EML2: variants seen among roughly 807,000 people sequenced by gnomAD.
EML2 encodes the protein echinoderm microtubule-associated protein-like 2.
EML2 carries 59 observed loss-of-function variants against 84.7 expected under a neutral mutation model. The observed-to-expected ratio is 0.70, with a 90% CI of 0.56 to 0.86. The LOEUF is 0.86. Ranked by LOEUF, EML2 falls within the 40% of genes least tolerant of loss-of-function variation. EML2 has a pLI of 0.00. For missense variants in EML2, 818 were observed against 855.6 expected, an observed-to-expected ratio of 0.96 and a Z score of 0.55; for synonymous variants, 352 against 348.9, an observed-to-expected ratio of 1.01 and a Z score of -0.10.
intron 11 of EML2, 35 bp from the exon 12 acceptor site, chr19:45,619,226 C>T (rs1280799535): frequency 4.4e-6 from 7 of 1,584,880 alleles, no homozygotes; most frequent in Non-Finnish European, 6.0e-6. Flanking sequence ...ATGGAGACAG[C>T]AGCCCTGGCC....
At chr19:45,633,160 G>A (rs375264921) in intron 4 of EML2, 21 bp from the exon 5 acceptor site, 2 of 1,604,594 alleles carry the variant, frequency 1.2e-6, no homozygotes, top group East Asian at 2.2e-5. Context: ...AAGGGACAGA[G>A]AGACCAGGGC....
intron 16 of EML2, chr19:45,614,967 C>T (rs971271480): frequency 4.1e-5 from 15 of 364,188 alleles, no homozygotes; most frequent in Non-Finnish European, 6.3e-5. Context: ...TGAGCCACAG[C>T]ATCTGGCTGG....
At chr19:45,621,395 C>A in intron 10 of EML2, 63 bp from the exon 11 acceptor site, 1 of 1,573,192 alleles carries the variant, frequency 6.4e-7, no homozygotes, top group Admixed American at 1.7e-5. Context: ...GGGTGACATA[C>A]TGTGGGGAGG....
rs775719033 is a variant in EML2, at chr19:45,638,534, C to T, written c.150G>A (p.Leu50=). 6.2e-7 allele frequency: 1 copy of T among 1,614,054 alleles called. No individual in the cohort carries two copies. Among genetic ancestry groups the T allele is most frequent in the Non-Finnish European group, 8.5e-7 (1 of 1,180,022 alleles). Residue 50 remains leucine (L), a synonymous_variant, in exon 3 of 19, where the codon CTG becomes CTA. Transcript: ENST00000245925. ...ACTCCAGCTTGAGCCGGCAAGAAGGCAGCTCCGAGCGTGTGTCCAGGCTGT... is the reference window on the plus strand; with the variant it reads ...ACTCCAGCTTGAGCCGGCAAGAAGGTAGCTCCGAGCGTGTGTCCAGGCTGT... ...PTYSLDTRSE[L]PSCRLKLEWV... is the part of the protein sequence containing the mutation.
upstream of EML2, chr19:45,644,733 C>T (rs1174943767): frequency 4.4e-6 from 2 of 456,086 alleles, no homozygotes; most frequent in East Asian, 6.9e-5. Context: ...CACAGTGGTC[C>T]TTCTGGTATC....
At chr19:45,636,969 A>G (rs1973798999) in intron 3 of EML2, among the ~76,000 whole-genome samples, 2 of 152,260 alleles carry the variant, frequency 1.3e-5, no homozygotes, top group Admixed American at 1.3e-4. Context: ...CAATATACAT[A>G]TATCCTGACC....
In EML2 at chr19:45,615,519, AAATAATAAT is replaced by A. The variant is rs56322389; in HGVS notation, c.1597+274_1597+282del. On this transcript the variant is annotated intron_variant, in intron 16 of 18. Transcript: ENST00000245925. ...GGGGACAGAGCAAGACTCCGTCTCAAAATAATAATAATAATAATAATAATAATAATAATA... is the reference window on the plus strand; with the variant it reads ...GGGGACAGAGCAAGACTCCGTCTCAAAATAATAATAATAATAATAATAATA... Among the ~76,000 whole-genome samples, 240 of 139,184 alleles carry A rather than the reference AAATAATAAT, an allele frequency of 1.7e-3. 2 individuals carry two copies. Among genetic ancestry groups the A allele is most frequent in the African/African-American group, 3.1e-3 (117 of 37,266 alleles). 91.3% of individuals were successfully genotyped at this position (139,184 alleles called of 152,430 possible).
In EML2 at chr19:45,621,259, CGGG is replaced by C; in HGVS notation, c.1067_1069del (p.Thr356_Arg357delinsSer). The stretch of plus-strand genomic sequence containing the variant: ...CACGGAGCCCTGCAGGATGGAATTG[CGGG>C]TGGTCCCCACGTACAGTGTGTCTCC... On this transcript the variant is annotated inframe_deletion, in exon 11 of 19. Transcript: ENST00000245925. The C allele has an allele frequency of 1.9e-6, 3 of 1,613,900 alleles. No homozygotes were observed. The highest frequency in any genetic ancestry group is 2.5e-6 in the Non-Finnish European group (3 of 1,179,982).
At position 45,616,537 on chromosome 19, in the gene EML2, C is replaced by T; in HGVS notation, c.1433G>A (p.Gly478Asp). ...CACGTACACCAAGTTGTCGTGGGAG[C>T]CCACGGCCAGGTACGCCCCGTCTGG... The part of the protein sequence containing the change: ...FSPDGAYLAV[G>D]SHDNLVYVYT... The change falls in exon 15 of 19, where the codon GGC becomes GAC. Residue 478 changes from glycine (G) to aspartate (D), a missense_variant. Physicochemically the swap from Gly to Asp is moderately conservative, Grantham distance 94. Coordinates refer to ENST00000245925, the MANE Select transcript of EML2 (RefSeq NM_012155.4). The T allele has an allele frequency of 6.2e-7, 1 of 1,610,916 alleles. No individual in the cohort carries two copies. Among genetic ancestry groups the T allele is most frequent in the East Asian group, 2.2e-5 (1 of 44,772 alleles).
In EML2 at chr19:45,624,702, G is replaced by T; in HGVS notation, c.841+17C>A. 6.3e-7 allele frequency: 1 copy of T among 1,599,562 alleles called. No individual in the cohort carries two copies. Among genetic ancestry groups the T allele is most frequent in the Non-Finnish European group, 8.6e-7 (1 of 1,167,738 alleles). ...AGAAGACTGGATTGGGAACCAAACA[G>T]ATGGGGTGACACTGACCTTTGCCCC... On this transcript the variant is annotated intron_variant, in intron 9 of 18. Transcript: ENST00000245925.
chr19:45,632,771 C>CCCTCA, intron 6 of EML2, 90 bp downstream of exon 6: 1 of 1,133,744 alleles, frequency 8.8e-7, no homozygotes. Context: ...GGATTCCCGG[C>CCCTCA]CCTCAACCCA....
At chr19:45,620,714 GAAA>G (rs766591894) in intron 11 of EML2, 31 of 107,300 alleles carry the variant, frequency 2.9e-4, no homozygotes, top group South Asian at 8.5e-4. Context: ...TCTCAAAAAT[GAAA>G]AAAAAAAAAA....
At chr19:45,643,011 AG>A (rs1382734317), upstream of EML2, among the ~76,000 whole-genome samples, 33 of 151,342 alleles carry the variant, frequency 2.2e-4, no homozygotes, top group Non-Finnish European at 4.4e-4. Context: ...AAAAAGAAAA[AG>A]AAAAAAAAGA....
intron 6 of EML2, 23 bp downstream of exon 6, chr19:45,632,838 G>C (rs557167070): frequency 6.4e-7 from 1 of 1,559,502 alleles, no homozygotes; most frequent in Non-Finnish European, 8.7e-7. Context: ...AAGGGGCGGG[G>C]TTAGGGTGGG....
upstream of EML2, among the ~76,000 whole-genome samples, chr19:45,639,642 C>G (rs1974217148): frequency 6.6e-6 from 1 of 152,152 alleles, no homozygotes. Flanking sequence ...TAATTCCTAG[C>G]AGTGTACACA....
intron 9 of EML2, among the ~76,000 whole-genome samples, chr19:45,623,292 G>C (rs566232096): frequency 2.4e-4 from 37 of 152,196 alleles, no homozygotes; most frequent in Non-Finnish European, 5.1e-4. Flanking sequence ...CCAGGAGGCA[G>C]AGCTTGCAGT....
chr19:45,641,629 C>G (rs1974515209), upstream of EML2: 1 of 1,535,648 alleles, frequency 6.5e-7, no homozygotes, highest in African/African-American at 1.4e-5. Flanking sequence ...TTGACGCCGC[C>G]CCAGTCCTTA....
Position 45,613,615 on chromosome 19 carries a change from C to T in EML2, c.1750G>A (p.Asp584Asn). The T allele has an allele frequency of 1.9e-6, 3 of 1,614,138 alleles. No individual in the cohort carries two copies. The highest frequency in any genetic ancestry group is 1.7e-6 in the Non-Finnish European group (2 of 1,180,010). ...TDINAVARSH[D>N]GKLLASADDF... ...TCAGCTGAAGCCAGCAACTTCCCAT[C>T]ATGAGAGCGGGCCACAGCGTTGATA... Residue 584 changes from aspartate to asparagine, a missense_variant, in exon 18 of 19, where the codon GAT becomes AAT. Asp to Asn is a conservative substitution (Grantham distance 23). Coordinates refer to ENST00000245925, the MANE Select transcript of EML2 (RefSeq NM_012155.4).
intron 7 of EML2, 25 bp downstream of exon 7, chr19:45,629,926 G>T: frequency 3.2e-6 from 5 of 1,576,998 alleles, no homozygotes; most frequent in Non-Finnish European, 4.4e-6. Flanking sequence ...CACCCAGCAG[G>T]AGGGGATGAG....
Sources: gnomAD v4.1 joint callset for allele counts (sites outside exome capture counted in the v4.1 genomes callset) on GRCh38, gnomAD v4.1.1 for gene constraint, MANE v1.5 for transcripts, NCBI Gene and HGNC (gene_info 2026-07-23, HGNC 2026-07-21) for gene names.